SMPDL3A: variants seen among roughly 807,000 people sequenced by gnomAD.
SMPDL3A encodes the protein sphingomyelin phosphodiesterase acid like 3A, also known as cyclic GMP-AMP phosphodiesterase SMPDL3A.
SMPDL3A carries 39 observed loss-of-function variants against 38.5 expected under a neutral mutation model. The ratio of observed to expected loss-of-function variants is 1.01; its 90% CI spans 0.78 to 1.32. The LOEUF is 1.32. Among genes scored for constraint, SMPDL3A ranks in the 40% most tolerant of loss-of-function variants. The pLI, the probability that SMPDL3A is intolerant of heterozygous loss-of-function variation, is 0.00. For synonymous variants in SMPDL3A, 180 were observed against 194.3 expected (o/e 0.93, Z 0.61); for missense variants, 502 against 536.2 (o/e 0.94, Z 0.63).
In SMPDL3A at chr6:122,803,660, A is replaced by ATAGGTGGT. The variant is rs1781497207; in HGVS notation, c.569-2_574dup. On this transcript the variant is annotated splice_region_variant and splice_polypyrimidine_tract_variant and intron_variant, in intron 4 of 7. Transcript: ENST00000368440. ...CTAAATGTGTTTTAAAATTGTTTTT[A>ATAGGTGGT]TAGGTGGTTTTTATTCACAGAAAGT... The ATAGGTGGT allele has an allele frequency of 6.2e-7, 1 of 1,606,788 alleles. No homozygotes were observed. The highest frequency in any genetic ancestry group is 1.1e-5 in the South Asian group (1 of 90,100).
At chr6:122,802,195 C>CTTTTTTTTTTTTTTTTTTTTTTTTTTTTT (rs3031702) in intron 4 of SMPDL3A, among the ~76,000 whole-genome samples, 1 of 123,560 alleles carries the variant, frequency 8.1e-6, no homozygotes, top group African/African-American at 2.9e-5. Flanking sequence ...TATATCTAGT[C>CTTTTTTTTTTTTTTTTTTTTTTTTTTTTT]TTTTTTTTTT....
chr6:122,791,260 T>C (rs1336843204), intron 1 of SMPDL3A, among the ~76,000 whole-genome samples: 7 of 152,220 alleles, frequency 4.6e-5, no homozygotes, highest in Non-Finnish European at 1.0e-4. Context: ...ACCTGTGTGT[T>C]TTTGGCTACA....
chr6:122,809,460 T>C lies in SMPDL3A; in HGVS notation c.*52T>C. On this transcript the variant is annotated 3_prime_UTR_variant, in exon 8 of 8. Coordinates refer to ENST00000368440, the MANE Select transcript of SMPDL3A (RefSeq NM_006714.5). ...ATGCTGATTCTGATTCTGAGATCAA[T>C]TTGTGGGAATTTTACATAAATCTTT... 1 of 1,322,836 alleles carries C rather than the reference T, an allele frequency of 7.6e-7. No homozygotes were observed. The highest frequency in any genetic ancestry group is 1.1e-6 in the Non-Finnish European group (1 of 950,982). The allele number at this position is 1,322,836 out of a possible 1,614,324, so 81.9% of individuals were successfully genotyped here.
At chr6:122,807,807 A>G (rs1781683079) in intron 7 of SMPDL3A, among the ~76,000 whole-genome samples, 1 of 152,140 alleles carries the variant, frequency 6.6e-6, no homozygotes, top group Non-Finnish European at 1.5e-5. Flanking sequence ...TTTATTCATA[A>G]ATATTTGATT....
chr6:122,794,572 T>C (rs575236147), intron 1 of SMPDL3A, among the ~76,000 whole-genome samples: 78 of 152,156 alleles, frequency 5.1e-4, no homozygotes, highest in African/African-American at 1.8e-3. Context: ...ACTCCAGCAC[T>C]GGAGACAGTG....
chr6:122,800,210 G>C (rs1781383306), intron 3 of SMPDL3A, among the ~76,000 whole-genome samples: 1 of 151,808 alleles, frequency 6.6e-6, no homozygotes, highest in South Asian at 2.1e-4. Context: ...CTACACTAGA[G>C]CTTATGTCAT....
chr6:122,790,499 C>T (rs895456310), intron 1 of SMPDL3A, among the ~76,000 whole-genome samples: 1 of 152,142 alleles, frequency 6.6e-6, no homozygotes, highest in African/African-American at 2.4e-5. Flanking sequence ...CCCTGAGACT[C>T]GGTAGCAGCA....
rs1242843568 is a variant in SMPDL3A at position 122,803,743 on chromosome 6, A to G, written c.648A>G (p.Pro216=). ...ISLNTNLYYG[P]NIMTLNKTDP... The stretch of plus-strand genomic sequence containing the variant: ...TAAACACAAACTTGTACTACGGCCC[A>G]AATATAATGACACTGAACAAGACTG... Residue 216 remains proline (P), a synonymous_variant, in exon 5 of 8, where the codon CCA becomes CCG. Coordinates refer to ENST00000368440, the MANE Select transcript of SMPDL3A (RefSeq NM_006714.5). 2 of 1,614,030 alleles carry G rather than the reference A, an allele frequency of 1.2e-6. No individual in the cohort carries two copies. The highest frequency in any genetic ancestry group is 3.3e-5 in the Admixed American group (2 of 60,030).
chr6:122,795,804 G>C lies in SMPDL3A; in HGVS notation c.240G>C (p.Leu80=), dbSNP rs759528751. ...ACCCTGGCCCTTTTGGAGATGTTCT[G>C]TGTGATTCTCCATATCAACTTATTT... ...ASNPGPFGDV[L]CDSPYQLILS... The change falls in exon 2 of 8, where the codon CTG becomes CTC. Residue 80 remains leucine (L), a synonymous_variant. Coordinates refer to ENST00000368440, the MANE Select transcript of SMPDL3A (RefSeq NM_006714.5). 6.2e-7 allele frequency: 1 copy of C among 1,614,052 alleles called. No homozygotes were observed. Among genetic ancestry groups the C allele is most frequent in the Non-Finnish European group, 8.5e-7 (1 of 1,179,962 alleles).
rs201698175 is a variant in SMPDL3A at position 122,809,181 on chromosome 6, G to A, written c.1135G>A (p.Asp379Asn). Residue 379 changes from aspartate (D) to asparagine (N), a missense_variant, in exon 8 of 8, where the codon GAC becomes AAC. Coordinates refer to ENST00000368440, the MANE Select transcript of SMPDL3A (RefSeq NM_006714.5). ...GGAGTATATCCTGACCCAGACCTAC[G>A]ACATTGAAGATTTGCAGCCGGAAAG... Reference protein sequence around the residue: ...KLEYILTQTYDIEDLQPESLY... With the variant: ...KLEYILTQTYNIEDLQPESLY... The A allele has an allele frequency of 6.2e-6, 10 of 1,614,112 alleles. No homozygotes were observed. Among genetic ancestry groups the A allele is most frequent in the African/African-American group, 2.7e-5 (2 of 75,018 alleles).
intron 1 of SMPDL3A, among the ~76,000 whole-genome samples, chr6:122,794,319 C>T (rs140421762): frequency 1.9e-3 from 296 of 152,182 alleles, no homozygotes; most frequent in African/African-American, 6.3e-3. Flanking sequence ...CTTTCTTGGC[C>T]GGGTGTGGTG....
chr6:122,808,588 T>C (rs1781713427), intron 7 of SMPDL3A, among the ~76,000 whole-genome samples: 1 of 124,936 alleles, frequency 8.0e-6, no homozygotes, highest in Non-Finnish European at 1.8e-5. Context: ...TTATTGAGCC[T>C]CCCTTCCTCC....
chr6:122,802,360 C>A (rs1042430745), intron 4 of SMPDL3A, among the ~76,000 whole-genome samples: 1 of 152,090 alleles, frequency 6.6e-6, no homozygotes, highest in South Asian at 2.1e-4. Context: ...TGCCACCACA[C>A]CTGGCTAATT....
At chr6:122,789,739 C>T (rs1459282503) in intron 1 of SMPDL3A, 1 of 786,332 alleles carries the variant, frequency 1.3e-6, no homozygotes, top group African/African-American at 1.9e-5. Context: ...TTTCGCCAGC[C>T]TGGCTTTTGT....
rs541570307 is a variant in SMPDL3A, at chr6:122,801,586, G to T, written c.568+180G>T. Reference sequence around the variant, plus strand: ...GTCGTGAACCTGTTTATCTTGCAGGGAGCTCTTCCTGTTTTTCTTCTATTC... The same window carrying T: ...GTCGTGAACCTGTTTATCTTGCAGGTAGCTCTTCCTGTTTTTCTTCTATTC... On this transcript the variant is annotated intron_variant, in intron 4 of 7. Transcript: ENST00000368440. Among the ~76,000 whole-genome samples, 7 of 152,298 alleles carry T rather than the reference G, an allele frequency of 4.6e-5. No individual in the cohort carries two copies. In the South Asian group the frequency reaches 1.4e-3, roughly 32 times the overall value.
chr6:122,807,705 A>G (rs534995639), intron 7 of SMPDL3A, among the ~76,000 whole-genome samples: 1 of 127,612 alleles, frequency 7.8e-6, no homozygotes, highest in Non-Finnish European at 1.9e-5. Context: ...TATTGGTATA[A>G]CTGCTTTTTT....
chr6:122,793,776 C>T (rs2115160976), intron 1 of SMPDL3A, among the ~76,000 whole-genome samples: 1 of 152,256 alleles, frequency 6.6e-6, no homozygotes, highest in Non-Finnish European at 1.5e-5. Context: ...GATAACTCAC[C>T]CCTTTCACCT....
At chr6:122,794,532 G>A (rs1781180670) in intron 1 of SMPDL3A, among the ~76,000 whole-genome samples, 1 of 152,156 alleles carries the variant, frequency 6.6e-6, no homozygotes, top group South Asian at 2.1e-4. Flanking sequence ...GGGAGGTGGA[G>A]GTGGCAGTGA....
Position 122,806,275 on chromosome 6 carries a change from C to T in SMPDL3A, c.962C>T (p.Pro321Leu). Reference protein sequence around the residue: ...NSLFVAPAVTPVKSVLEKQTN... With the variant: ...NSLFVAPAVTLVKSVLEKQTN... ...TTGTTTGTGGCTCCTGCTGTTACAC[C>T]AGTGAAGAGTGTTTTAGAAAAACAG... Residue 321 changes from proline (P) to leucine (L), a missense_variant, in exon 7 of 8, where the codon CCA becomes CTA. Physicochemically the swap from Pro to Leu is moderately conservative, Grantham distance 98. Coordinates refer to ENST00000368440, the MANE Select transcript of SMPDL3A (RefSeq NM_006714.5). 6.2e-7 allele frequency: 1 copy of T among 1,612,932 alleles called. No individual in the cohort carries two copies. The highest frequency in any genetic ancestry group is 8.5e-7 in the Non-Finnish European group (1 of 1,179,172).
Sources: allele counts gnomAD v4.1 joint callset (sites outside exome capture counted in the v4.1 genomes callset), GRCh38; gene constraint gnomAD v4.1.1; transcripts MANE v1.5; gene names NCBI Gene and HGNC (gene_info 2026-07-23, HGNC 2026-07-21).